Variants in COBL observed in about 807,000 individuals in gnomAD.
COBL encodes cordon-bleu WH2 repeat protein, also known as protein cordon-bleu.
A neutral mutation model predicts 98.8 loss-of-function variants in COBL; 51 were observed. The ratio of observed to expected loss-of-function variants is 0.52; its 90% CI spans 0.41 to 0.65. The LOEUF (loss-of-function observed/expected upper bound fraction) is 0.65. Among genes scored for constraint, COBL ranks in the 30% least tolerant of loss-of-function variants. The pLI is 0.00. For synonymous variants in COBL, 634 were observed against 651.7 expected, an observed-to-expected ratio of 0.97 and a Z score of 0.41; for missense variants, 1,617 against 1,617.5, an observed-to-expected ratio of 1.00 and a Z score of 0.01.
At chr7:51,174,423 T>C (rs1788171994) in intron 5 of COBL, among the ~76,000 whole-genome samples, 1 of 152,024 alleles carries the variant, frequency 6.6e-6, no homozygotes, top group African/African-American at 2.4e-5. Context: ...AAGATAAGAC[T>C]GAAGAAGGGA....
chr7:51,070,020 T>C (rs1792355813), intron 7 of COBL, among the ~76,000 whole-genome samples: 1 of 152,122 alleles, frequency 6.6e-6, no homozygotes, highest in Non-Finnish European at 1.5e-5. Flanking sequence ...TTATGCAGCT[T>C]CGTTCACGTA....
At chr7:51,297,790 G>C (rs1266047463) in intron 1 of COBL, among the ~76,000 whole-genome samples, 9 of 152,174 alleles carry the variant, frequency 5.9e-5, no homozygotes, top group Admixed American at 5.2e-4. Flanking sequence ...AGAAAGGTTT[G>C]TATCAGTGGG....
intron 6 of COBL, among the ~76,000 whole-genome samples, chr7:51,129,074 G>A (rs1798496430): frequency 6.6e-6 from 1 of 152,186 alleles, no homozygotes; most frequent in Admixed American, 6.5e-5. Context: ...CATCCTTGAG[G>A]AAAGCAATTC....
At chr7:51,160,680 CTG>C (rs1786709478) in intron 5 of COBL, among the ~76,000 whole-genome samples, 2 of 152,164 alleles carry the variant, frequency 1.3e-5, no homozygotes, top group Non-Finnish European at 2.9e-5. Context: ...AGGTCACAAA[CTG>C]TATGTGAATA....
At chr7:51,243,774 G>C (rs535301842) in intron 1 of COBL, among the ~76,000 whole-genome samples, 1 of 152,256 alleles carries the variant, frequency 6.6e-6, no homozygotes, top group South Asian at 2.1e-4. Flanking sequence ...GTGCCTGAAA[G>C]GGGGTAGAGG....
At chr7:51,075,594 C>T (rs1362568862) in intron 7 of COBL, among the ~76,000 whole-genome samples, 4 of 152,076 alleles carry the variant, frequency 2.6e-5, no homozygotes, top group Non-Finnish European at 5.9e-5. Flanking sequence ...TGGATCTGTT[C>T]AGCCATTGGT....
At position 51,190,990 on chromosome 7, in the gene COBL, G is replaced by A. The variant is rs1251776872; in HGVS notation, c.545C>T (p.Pro182Leu). The A allele has an allele frequency of 3.1e-6, 5 of 1,614,160 alleles. No homozygotes were observed. Among genetic ancestry groups the A allele is most frequent in the Non-Finnish European group, 3.4e-6 (4 of 1,180,040 alleles). Residue 182 changes from proline (P) to leucine (L), a missense_variant, in exon 4 of 13, where the codon CCA (proline) becomes CTA (leucine). Physicochemically the swap from Pro to Leu is moderately conservative, Grantham distance 98 (BLOSUM62 -3). Coordinates refer to ENST00000265136, the MANE Select transcript of COBL (RefSeq NM_015198.5). ...SPEVPLQNIL[P>L]VICAKCEVSP... Reference sequence around the variant, plus strand: ...GACCTCACACTTTGCACAAATGACTGGGAGAATATTCTGGAGAGGAACCTC... The same window carrying A: ...GACCTCACACTTTGCACAAATGACTAGGAGAATATTCTGGAGAGGAACCTC...
intron 4 of COBL, among the ~76,000 whole-genome samples, chr7:51,188,380 G>A (rs1014035804): frequency 1.3e-5 from 2 of 152,246 alleles, no homozygotes; most frequent in African/African-American, 4.8e-5. Flanking sequence ...TGCCCAGGGC[G>A]GTTGTAGGGG....
rs145662252 is a variant in COBL, at chr7:51,225,445, T to G, written c.42-5501A>C. ...CATCGCAGGTGCTCCCGGCTGGCAG[T>G]GCACACAGGCTGGGTAATCCAGCTT... On this transcript the variant is annotated intron_variant, in intron 1 of 12. Coordinates refer to ENST00000265136, the MANE Select transcript of COBL (RefSeq NM_015198.5). Among the ~76,000 whole-genome samples the G allele has an allele frequency of 3.6e-3, 546 of 152,236 alleles. 1 individual carries two copies. The highest frequency in any genetic ancestry group is 0.013 in the African/African-American group (529 of 41,538).
At chr7:51,312,082 G>A (rs1803106123) in intron 1 of COBL, among the ~76,000 whole-genome samples, 1 of 152,090 alleles carries the variant, frequency 6.6e-6, no homozygotes, top group Non-Finnish European at 1.5e-5. Flanking sequence ...CCAGCACTTT[G>A]GGAGGCCAAG....
chr7:51,034,818 T>C (rs1321351510), intron 8 of COBL: 1 of 152,248 alleles, frequency 6.6e-6, no homozygotes, highest in Non-Finnish European at 1.5e-5. Context: ...CCTCAATCTT[T>C]AGAAACGTTC....
At chr7:51,017,618 A>G in intron 12 of COBL, 50 bp from the exon 13 acceptor site, 1 of 1,599,438 alleles carries the variant, frequency 6.3e-7, no homozygotes, top group Non-Finnish European at 8.6e-7. Context: ...TAAGCCCAGG[A>G]TGCAGATCTT....
rs1040530347 is a variant in COBL, at chr7:51,264,137, A to G, written c.42-44193T>C. On this transcript the variant is annotated intron_variant, in intron 1 of 12. Coordinates refer to ENST00000265136, the MANE Select transcript of COBL (RefSeq NM_015198.5). ...CCCATGAGATGCCTTCTGAGTTCCAATCGCAGCCCCCAAGCCTCAGAACTG... is the reference window on the plus strand; with the variant it reads ...CCCATGAGATGCCTTCTGAGTTCCAGTCGCAGCCCCCAAGCCTCAGAACTG... Among the ~76,000 whole-genome samples the G allele has an allele frequency of 3.3e-5, 5 of 152,144 alleles. No individual in the cohort carries two copies. In the South Asian group the frequency reaches 6.2e-4, roughly 19 times the overall value.
intron 5 of COBL, among the ~76,000 whole-genome samples, chr7:51,176,058 G>C (rs900650790): frequency 6.6e-6 from 1 of 152,180 alleles, no homozygotes; most frequent in South Asian, 2.1e-4. Flanking sequence ...GAATACGCTA[G>C]ACAGGACAGA....
chr7:51,218,126 ACT>A lies in COBL; in HGVS notation c.245+1613_245+1614del, dbSNP rs1331071977. 2.6e-5 allele frequency among the ~76,000 whole-genome samples: 4 copies of A among 152,196 alleles called. 1 individual carries two copies. The highest frequency in any genetic ancestry group is 2.6e-4 in the Admixed American group (4 of 15,278). ...TGCAGCTGAAATACTGTATCCCATG[ACT>A]CAACAGTTCCAATCCTAGGTATATT... On this transcript the variant is annotated intron_variant, in intron 2 of 12. Coordinates refer to ENST00000265136, the MANE Select transcript of COBL (RefSeq NM_015198.5).
Position 51,190,970 on chromosome 7 carries a change from C to T in COBL, c.565G>A (p.Glu189Lys), listed in dbSNP as rs779143442. ...NILPVICAKC[E>K]VSPEHVVLLR... ...AGAACCACGTGCTCTGGGCTGACCT[C>T]ACACTTTGCACAAATGACTGGGAGA... is the stretch of plus-strand genomic sequence containing the variant. The change falls in exon 4 of 13, where the codon GAG becomes AAG. Residue 189 changes from glutamate to lysine, a missense_variant. Around this residue, in one of 3 missense-constraint regions of COBL, gnomAD observed 75 missense variants for 120.5 expected, o/e 0.62. Transcript: ENST00000265136. 1.9e-6 allele frequency: 3 copies of T among 1,614,160 alleles called. No homozygotes were observed. Among genetic ancestry groups the T allele is most frequent in the Non-Finnish European group, 2.5e-6 (3 of 1,180,044 alleles).
intron 5 of COBL, among the ~76,000 whole-genome samples, chr7:51,173,155 T>C (rs1016875862): frequency 1.4e-4 from 22 of 151,956 alleles, no homozygotes; most frequent in Admixed American, 3.3e-4. Flanking sequence ...GCAAATTAAT[T>C]AGGTTTTGAG....
In COBL at chr7:51,190,963, C is replaced by T; in HGVS notation, c.572G>A (p.Ser191Asn). The stretch of plus-strand genomic sequence containing the variant: ...CCTGAGGAGAACCACGTGCTCTGGG[C>T]TGACCTCACACTTTGCACAAATGAC... The part of the protein sequence containing the change: ...LPVICAKCEV[S>N]PEHVVLLRDN... Residue 191 changes from serine (S) to asparagine (N), a missense_variant, in exon 4 of 13, where the codon AGC (serine) becomes AAC (asparagine). Ser to Asn is a conservative substitution (Grantham distance 46). Around this residue, in one of 3 missense-constraint regions of COBL, gnomAD observed 75 missense variants for 120.5 expected, o/e 0.62. Transcript: ENST00000265136. 1 of 1,614,156 alleles carries T rather than the reference C, an allele frequency of 6.2e-7. No homozygotes were observed. Among genetic ancestry groups the T allele is most frequent in the Non-Finnish European group, 8.5e-7 (1 of 1,180,022 alleles).
intron 5 of COBL, among the ~76,000 whole-genome samples, chr7:51,138,857 T>C (rs1799483826): frequency 6.6e-6 from 1 of 152,166 alleles, no homozygotes; most frequent in Non-Finnish European, 1.5e-5. Context: ...ACATATCTAA[T>C]TGCTTGTCTT....
Sources: gnomAD v4.1 joint callset for allele counts (sites outside exome capture counted in the v4.1 genomes callset) on GRCh38, gnomAD v4.1.1 for gene constraint, gnomAD v4.1.1 regional missense constraint, MANE v1.5 for transcripts, NCBI Gene and HGNC (gene_info 2026-07-23, HGNC 2026-07-21) for gene names.